The following ROBO1 variants were observed in gnomAD, a reference collection of about 807,000 sequenced individuals.
The protein encoded by ROBO1 is roundabout guidance receptor 1, also known as roundabout homolog 1.
A neutral mutation model predicts 195.9 loss-of-function variants in ROBO1; 149 were observed. That is an observed-to-expected ratio of 0.76 (90% CI 0.67 to 0.87). ROBO1 has a LOEUF of 0.87. Ranked by LOEUF, ROBO1 falls within the 40% of genes least tolerant of loss-of-function variation. The pLI is 0.00. For synonymous variants in ROBO1, 816 were observed against 733.2 expected (o/e 1.11, Z -1.82); for missense variants, 1,933 against 2,068.3 (o/e 0.93, Z 1.27).
Position 79,518,304 on chromosome 3 carries a change from A to C in ROBO1, c.88+71520T>G, listed in dbSNP as rs1241510532. The stretch of plus-strand genomic sequence containing the variant: ...AGGGTAAGGCATGTTAAGAAGAAGA[A>C]GGAGAAGGAGGAAAGGAAGGGGAAG... On this transcript the variant is annotated intron_variant, in intron 2 of 30. Coordinates refer to ENST00000464233, the MANE Select transcript of ROBO1 (RefSeq NM_002941.4). 2.0e-5 allele frequency among the ~76,000 whole-genome samples: 3 copies of C among 152,304 alleles called. No homozygotes were observed. In the East Asian group the frequency reaches 5.8e-4, roughly 29 times the overall value.
At chr3:79,568,495 A>AG (rs1553766334) in intron 2 of ROBO1, among the ~76,000 whole-genome samples, 1 of 144,918 alleles carries the variant, frequency 6.9e-6, no homozygotes, top group Non-Finnish European at 1.5e-5. Context: ...AAAAAAAAAA[A>AG]CAGATTGATT....
chr3:79,682,453 T>C (rs1946978140), intron 1 of ROBO1, among the ~76,000 whole-genome samples: 1 of 151,952 alleles, frequency 6.6e-6, no homozygotes, highest in African/African-American at 2.4e-5. Flanking sequence ...TAAGCGTTAA[T>C]AAAAACAAAT....
At chr3:78,780,000 C>T (rs2083625152) in intron 4 of ROBO1, among the ~76,000 whole-genome samples, 1 of 152,132 alleles carries the variant, frequency 6.6e-6, no homozygotes, top group East Asian at 1.9e-4. Context: ...CAAACTAACA[C>T]AGGAACGGAA....
chr3:78,837,346 C>T (rs1228628312), intron 4 of ROBO1, among the ~76,000 whole-genome samples: 1 of 152,074 alleles, frequency 6.6e-6, no homozygotes, highest in East Asian at 1.9e-4. Context: ...AGAAACCTCT[C>T]CTATGATACT....
intron 4 of ROBO1, among the ~76,000 whole-genome samples, chr3:78,888,592 G>A (rs138643559): frequency 5.3e-5 from 8 of 152,206 alleles, no homozygotes; most frequent in African/African-American, 9.6e-5. Context: ...AATGAATATC[G>A]TCAGCAAACA....
chr3:78,905,470 T>G (rs2037848178), intron 4 of ROBO1, among the ~76,000 whole-genome samples: 1 of 152,034 alleles, frequency 6.6e-6, no homozygotes, highest in African/African-American at 2.4e-5. Context: ...GGACCCTAAA[T>G]TAGCCAGACG....
chr3:79,520,832 C>G (rs1348949197), intron 2 of ROBO1, among the ~76,000 whole-genome samples: 4 of 150,070 alleles, frequency 2.7e-5, no homozygotes, highest in Admixed American at 2.6e-4. Flanking sequence ...TAGAAGCAAA[C>G]CAGAGCCAAA....
At chr3:78,965,153 A>G (rs1261547930) in intron 3 of ROBO1, among the ~76,000 whole-genome samples, 1 of 152,040 alleles carries the variant, frequency 6.6e-6, no homozygotes, top group African/African-American at 2.4e-5. Context: ...TATATGTTTC[A>G]CATTATAATC....
intron 2 of ROBO1, among the ~76,000 whole-genome samples, chr3:79,168,067 A>G (rs2081099718): frequency 6.6e-6 from 1 of 152,218 alleles, no homozygotes; most frequent in Non-Finnish European, 1.5e-5. Flanking sequence ...TGGGGAATGT[A>G]TACTTTAATA....
chr3:79,256,531 T>C (rs1261281606), intron 2 of ROBO1, among the ~76,000 whole-genome samples: 1 of 152,144 alleles, frequency 6.6e-6, no homozygotes, highest in Non-Finnish European at 1.5e-5. Flanking sequence ...TGTCAATACT[T>C]AGGATACAAC....
At chr3:78,633,483 C>A (rs1381615254) in intron 24 of ROBO1, among the ~76,000 whole-genome samples, 1 of 152,132 alleles carries the variant, frequency 6.6e-6, no homozygotes, top group African/African-American at 2.4e-5. Flanking sequence ...CTGAGACAGG[C>A]TCCTATTGTA....
intron 4 of ROBO1, among the ~76,000 whole-genome samples, chr3:78,851,784 A>C (rs2034082701): frequency 6.6e-6 from 1 of 152,208 alleles, no homozygotes; most frequent in South Asian, 2.1e-4. Flanking sequence ...ATAAAACAAC[A>C]AAAAGCATGG....
intron 2 of ROBO1, among the ~76,000 whole-genome samples, chr3:79,411,531 A>G (rs2037766106): frequency 6.6e-6 from 1 of 152,150 alleles, no homozygotes; most frequent in Non-Finnish European, 1.5e-5. Flanking sequence ...ACAAAGTGCT[A>G]AGATGCAAGG....
At chr3:78,707,489 T>C (rs539869581) in intron 8 of ROBO1, among the ~76,000 whole-genome samples, 1 of 152,242 alleles carries the variant, frequency 6.6e-6, no homozygotes, top group Non-Finnish European at 1.5e-5. Flanking sequence ...TGTTTTAACA[T>C]TCCTATTGTA....
chr3:79,660,982 C>G (rs1242388936), intron 1 of ROBO1, among the ~76,000 whole-genome samples: 1 of 152,040 alleles, frequency 6.6e-6, no homozygotes. Context: ...TTCTAATTTC[C>G]CTCTTGGAAG....
intron 4 of ROBO1, among the ~76,000 whole-genome samples, chr3:78,829,690 C>T (rs1461672810): frequency 6.6e-6 from 1 of 152,136 alleles, no homozygotes; most frequent in African/African-American, 2.4e-5. Context: ...CCTGTTTCCA[C>T]TCCTGAAGAA....
intron 2 of ROBO1, among the ~76,000 whole-genome samples, chr3:79,156,729 G>A (rs1300139328): frequency 6.6e-6 from 1 of 151,800 alleles, no homozygotes; most frequent in Non-Finnish European, 1.5e-5. Flanking sequence ...AAAATTATAA[G>A]TTAAAAATGA....
At chr3:78,654,349 C>T (rs1706862620) in intron 18 of ROBO1, among the ~76,000 whole-genome samples, 1 of 152,162 alleles carries the variant, frequency 6.6e-6, no homozygotes, top group Admixed American at 6.5e-5. Context: ...GCTGAAAAAC[C>T]TATTTTCATA....
At chr3:78,848,481 T>A (rs1240869902) in intron 4 of ROBO1, among the ~76,000 whole-genome samples, 3 of 152,054 alleles carry the variant, frequency 2.0e-5, no homozygotes, top group African/African-American at 7.2e-5. Flanking sequence ...GGTAAGAAAG[T>A]ATACAATGAG....
Sources: gnomAD v4.1 joint callset for allele counts (sites outside exome capture counted in the v4.1 genomes callset) on GRCh38, gnomAD v4.1.1 for gene constraint, MANE v1.5 for transcripts, NCBI Gene and HGNC (gene_info 2026-07-23, HGNC 2026-07-21) for gene names.